Variants in YTHDF2 observed in about 807,000 individuals in gnomAD.
YTHDF2 encodes the protein YTH domain-containing family protein 2.
In YTHDF2, 2 loss-of-function variants were observed where a neutral mutation model predicts 50.4. The ratio of observed to expected loss-of-function variants is 0.04; its 90% CI spans 0.02 to 0.12. The LOEUF (loss-of-function observed/expected upper bound fraction) is 0.12, where lower values mean the gene tolerates loss of function less well. Ranked by LOEUF, YTHDF2 falls within the 10% of genes least tolerant of loss-of-function variation. The pLI, the probability that YTHDF2 is intolerant of heterozygous loss-of-function variation, is 1.00. For missense variants in YTHDF2, 483 were observed against 722.6 expected, an observed-to-expected ratio of 0.67 and a Z score of 3.80; for synonymous variants, 217 against 255.6, an observed-to-expected ratio of 0.85 and a Z score of 1.44.
At chr1:28,755,800 T>C (rs953651216) in intron 4 of YTHDF2, among the ~76,000 whole-genome samples, 7 of 152,306 alleles carry the variant, frequency 4.6e-5, no homozygotes, top group African/African-American at 1.7e-4. Context: ...AAAATGTTCA[T>C]TGGAGCATTT....
intron 4 of YTHDF2, among the ~76,000 whole-genome samples, chr1:28,757,087 G>C (rs1326215314): frequency 2.0e-5 from 3 of 152,160 alleles, no homozygotes. Flanking sequence ...CCAATTAGTA[G>C]TACCCTAATG....
chr1:28,747,354 G>C (rs1356966225), intron 4 of YTHDF2, among the ~76,000 whole-genome samples: 1 of 151,248 alleles, frequency 6.6e-6, no homozygotes, highest in Admixed American at 6.6e-5. Flanking sequence ...AGCAGATCAC[G>C]ATGTCAGGAG....
chr1:28,758,583 C>G (rs1197723080), intron 4 of YTHDF2, among the ~76,000 whole-genome samples: 1 of 152,142 alleles, frequency 6.6e-6, no homozygotes, highest in African/African-American at 2.4e-5. Flanking sequence ...GTAAAAGTTG[C>G]TGCTAATTAC....
chr1:28,742,668 C>T lies in YTHDF2; in HGVS notation c.398C>T (p.Ala133Val), dbSNP rs759075709. 1 of 1,614,116 alleles carries T rather than the reference C, an allele frequency of 6.2e-7. No homozygotes were observed. ...TTTCCCAGTGGGATTGACTTCTCAG[C>T]ATGGGGAAATAACAGTTCTCAGGGA... ...NFFPSGIDFSAWGNNSSQGQS... is the reference protein window; with the variant it reads ...NFFPSGIDFSVWGNNSSQGQS... Residue 133 changes from alanine to valine, a missense_variant, in exon 4 of 5, where the codon GCA becomes GTA. Physicochemically the swap from Ala to Val is moderately conservative, Grantham distance 64 (BLOSUM62 0). Coordinates refer to ENST00000373812, the MANE Select transcript of YTHDF2 (RefSeq NM_016258.3).
intron 3 of YTHDF2, among the ~76,000 whole-genome samples, chr1:28,741,829 T>C (rs747037391): frequency 2.6e-5 from 4 of 152,210 alleles, no homozygotes; most frequent in Non-Finnish European, 5.9e-5. Flanking sequence ...CTGGTTTGTA[T>C]AGGAAGTTGA....
intron 4 of YTHDF2, among the ~76,000 whole-genome samples, chr1:28,760,271 T>TTGTGTGTGTGTGTG (rs28969505): frequency 1.4e-5 from 2 of 147,252 alleles, no homozygotes; most frequent in East Asian, 2.1e-4. Flanking sequence ...ACATAGTAGG[T>TTGTGTGTGTGTGTG]TGTGTGTGTG....
In YTHDF2 at chr1:28,737,059, T is replaced by TGCCGCC; in HGVS notation, c.-53_-48dup. 6.0e-6 allele frequency: 9 copies of TGCCGCC among 1,504,176 alleles called. No individual in the cohort carries two copies. The South Asian group carries it at 6.1e-5, about 10-fold the overall frequency. 93.2% of individuals were successfully genotyped at this position (1,504,176 alleles called of 1,614,324 possible). On this transcript the variant is annotated 5_prime_UTR_variant, in exon 1 of 5. Transcript: ENST00000373812. ...CCTGCTCCCGCAGACGGGGCTCATC[T>TGCCGCC]GCCGCCGCCGCCGCGCTGAGGAGAG...
chr1:28,757,500 A>C (rs1160611038), intron 4 of YTHDF2, among the ~76,000 whole-genome samples: 2 of 152,178 alleles, frequency 1.3e-5, no homozygotes, highest in Non-Finnish European at 2.9e-5. Flanking sequence ...CAGTGTGCCT[A>C]CTGCTTATGT....
chr1:28,737,257 T>C (rs1023927046), intron 1 of YTHDF2, 110 bp downstream of exon 1: 1 of 1,404,426 alleles, frequency 7.1e-7, no homozygotes, highest in Non-Finnish European at 9.4e-7. Context: ...GCGTCGTCTC[T>C]TGCGGGCCAG....
At chr1:28,753,721 T>C (rs1021775465) in intron 4 of YTHDF2, among the ~76,000 whole-genome samples, 49 of 151,284 alleles carry the variant, frequency 3.2e-4, no homozygotes, top group Middle Eastern at 6.8e-3. Context: ...TTTTTTTTTT[T>C]CTGAGACAAA....
intron 4 of YTHDF2, among the ~76,000 whole-genome samples, chr1:28,752,255 C>A (rs1365940312): frequency 6.6e-6 from 1 of 152,072 alleles, no homozygotes; most frequent in African/African-American, 2.4e-5. Flanking sequence ...TGCTGTTGCA[C>A]ACTGATAACA....
At chr1:28,750,645 C>G (rs182642062) in intron 4 of YTHDF2, among the ~76,000 whole-genome samples, 1 of 152,060 alleles carries the variant, frequency 6.6e-6, no homozygotes, top group East Asian at 1.9e-4. Flanking sequence ...TAAGTAAGAA[C>G]GGACTGAGGC....
In YTHDF2 at chr1:28,742,537, T is replaced by C. The variant is rs2087792733; in HGVS notation, c.267T>C (p.Tyr89=). Reference sequence around the variant, plus strand: ...CAGCCATGCCCTACTTAACTTCTTATGGACAGCTGAGCAACGGAGAGCCCC... The same window carrying C: ...CAGCCATGCCCTACTTAACTTCTTACGGACAGCTGAGCAACGGAGAGCCCC... The part of the protein sequence containing the change: ...GDTAMPYLTS[Y]GQLSNGEPHF... The change falls in exon 4 of 5, where the codon TAT becomes TAC. Residue 89 remains tyrosine (Y), a synonymous_variant. Coordinates refer to ENST00000373812, the MANE Select transcript of YTHDF2 (RefSeq NM_016258.3). The C allele has an allele frequency of 6.2e-7, 1 of 1,614,168 alleles. No individual in the cohort carries two copies. The highest frequency in any genetic ancestry group is 8.5e-7 in the Non-Finnish European group (1 of 1,180,034).
chr1:28,740,682 C>T (rs10915192), intron 3 of YTHDF2, among the ~76,000 whole-genome samples: 59,484 of 151,834 alleles, frequency 0.39, 12,736 homozygotes, highest in East Asian at 0.77. Context: ...GTGAAAAGAC[C>T]TCACTTTTGT....
Position 28,769,199 on chromosome 1 carries a change from A to C in YTHDF2, c.*247A>C. 1 of 331,452 alleles carries C rather than the reference A, an allele frequency of 3.0e-6. No homozygotes were observed. The highest frequency in any genetic ancestry group is 1.3e-4 in the South Asian group (1 of 7,516). The allele number at this position is 331,452 out of a possible 1,614,324, so 20.5% of individuals were successfully genotyped here. On this transcript the variant is annotated 3_prime_UTR_variant, in exon 5 of 5. Coordinates refer to ENST00000373812, the MANE Select transcript of YTHDF2 (RefSeq NM_016258.3). Reference sequence around the variant, plus strand: ...AGTTTAGGTGAAAAATGTCCCTTTTATTTTGGCTTTGGTTGTGATTTCAGA... The same window carrying C: ...AGTTTAGGTGAAAAATGTCCCTTTTCTTTTGGCTTTGGTTGTGATTTCAGA...
At chr1:28,737,461 C>T (rs1438548015) in intron 1 of YTHDF2, 197 bp from the exon 2 acceptor site, 4 of 725,768 alleles carry the variant, frequency 5.5e-6, no homozygotes, top group Non-Finnish European at 8.6e-6. Context: ...GCGCGTCTGC[C>T]GCGTTTTCTC....
chr1:28,768,801 T>C (rs1446694300), intron 4 of YTHDF2, 128 bp from the exon 5 acceptor site: 1 of 730,396 alleles, frequency 1.4e-6, no homozygotes, highest in African/African-American at 1.8e-5. Context: ...ATGTTCTACT[T>C]AGAATAATTA....
Position 28,743,696 on chromosome 1 carries a change from G to C in YTHDF2, c.1426G>C (p.Ala476Pro). 1 of 1,614,208 alleles carries C rather than the reference G, an allele frequency of 6.2e-7. No homozygotes were observed. Among genetic ancestry groups the C allele is most frequent in the East Asian group, 2.2e-5 (1 of 44,882 alleles). ...HFCGVAEMKS[A>P]VDYNTCAGVW... ...CTGTGGCGTGGCAGAAATGAAATCTGCTGTGGACTACAACACATGTGCAGG... is the reference window on the plus strand; with the variant it reads ...CTGTGGCGTGGCAGAAATGAAATCTCCTGTGGACTACAACACATGTGCAGG... Residue 476 changes from alanine to proline, a missense_variant, in exon 4 of 5, where the codon GCT becomes CCT. Physicochemically the swap from Ala to Pro is conservative, Grantham distance 27. Transcript: ENST00000373812. This position sits in a 1 kb window ranked among gnomAD's most constrained non-coding sequence, Gnocchi z 6.9.
chr1:28,754,983 A>C (rs1446266623), intron 4 of YTHDF2, among the ~76,000 whole-genome samples: 2 of 131,356 alleles, frequency 1.5e-5, no homozygotes, highest in Non-Finnish European at 3.3e-5. Context: ...AAAAAAAAAA[A>C]AGGGGTGGGA....
Sources: allele counts gnomAD v4.1 joint callset (sites outside exome capture counted in the v4.1 genomes callset), GRCh38; gene constraint gnomAD v4.1.1; non-coding constraint Gnocchi (gnomAD v3.1); transcripts MANE v1.5; gene names NCBI Gene and HGNC (gene_info 2026-07-23, HGNC 2026-07-21).